Variants in EYA1 observed in about 807,000 individuals in gnomAD.
The protein encoded by EYA1 is protein phosphatase EYA1.
In EYA1, 16 loss-of-function variants were observed where a neutral mutation model predicts 82.0. The ratio of observed to expected loss-of-function variants is 0.20; its 90% CI spans 0.13 to 0.30. The LOEUF (loss-of-function observed/expected upper bound fraction) is 0.30, where lower values mean the gene tolerates loss of function less well. EYA1 is among the 10% of genes least tolerant of loss of function. The pLI is 1.00. For synonymous variants in EYA1, 261 were observed against 264.4 expected, an observed-to-expected ratio of 0.99 and a Z score of 0.12; for missense variants, 633 against 730.7, an observed-to-expected ratio of 0.87 and a Z score of 1.54.
At position 71,370,842 on chromosome 8, in the gene EYA1, C is replaced by T. The variant is rs1359553220; in HGVS notation, c.34-14331G>A. ...GTCTCACTCTGTTGCCCAGGCAAGT[C>T]TCAAACTCCTGAGCTCAAGCGATGC... On this transcript the variant is annotated intron_variant, in intron 2 of 18. Coordinates refer to the EYA1 transcript ENST00000643681. 2.0e-5 allele frequency among the ~76,000 whole-genome samples: 3 copies of T among 151,892 alleles called. No individual in the cohort carries two copies. The East Asian group carries it at 5.8e-4, about 29-fold the overall frequency.
chr8:71,339,402 T>C (rs563764605), intron 3 of EYA1, among the ~76,000 whole-genome samples: 19 of 152,198 alleles, frequency 1.2e-4, no homozygotes, highest in Admixed American at 3.9e-4. Flanking sequence ...GCTGGCCAAG[T>C]CCACTTCATT....
chr8:71,349,516 T>G (rs577411095), intron 3 of EYA1, among the ~76,000 whole-genome samples: 1 of 152,376 alleles, frequency 6.6e-6, no homozygotes, highest in African/African-American at 2.4e-5. Context: ...ACAAGCCATG[T>G]GCCTTTAAAC....
At chr8:71,370,499 C>T (rs1828016190) in intron 2 of EYA1, among the ~76,000 whole-genome samples, 1 of 151,460 alleles carries the variant, frequency 6.6e-6, no homozygotes, top group Non-Finnish European at 1.5e-5. Flanking sequence ...TGACTGAACA[C>T]ATGCATTTAT....
intron 17 of EYA1, 142 bp from the exon 18 acceptor site, chr8:71,199,562 AAAAC>A: frequency 1.4e-6 from 1 of 690,634 alleles, no homozygotes; most frequent in Non-Finnish European, 2.6e-6. Flanking sequence ...ACATCTGTTT[AAAAC>A]AAAAATTCAA....
In EYA1 at chr8:71,356,440, C is replaced by A; in HGVS notation, c.-5+22G>T. On this transcript the variant is annotated intron_variant, in intron 2 of 17. Coordinates refer to ENST00000340726, the MANE Select transcript of EYA1 (RefSeq NM_000503.6). ...ACAGAAAGGTAATCTCCAAAAATGT[C>A]AAATATCAACAATATCCTTACCTGC... is the stretch of plus-strand genomic sequence containing the variant. The A allele has an allele frequency of 1.9e-6, 3 of 1,571,550 alleles. No homozygotes were observed. The South Asian group carries it at 3.5e-5, about 18-fold the overall frequency.
At chr8:71,534,299 TAAAC>T (rs1011580733) in intron 2 of EYA1, among the ~76,000 whole-genome samples, 1 of 152,246 alleles carries the variant, frequency 6.6e-6, no homozygotes, top group Non-Finnish European at 1.5e-5. Context: ...CATAGGAGTT[TAAAC>T]AAACAAACAA....
At chr8:71,414,360 G>T (rs1404217063) in intron 2 of EYA1, among the ~76,000 whole-genome samples, 1 of 152,140 alleles carries the variant, frequency 6.6e-6, no homozygotes, top group Non-Finnish European at 1.5e-5. Context: ...ACTACAGGAG[G>T]TTTCTCTCAA....
At chr8:71,504,174 C>CA (rs34984661) in intron 2 of EYA1, among the ~76,000 whole-genome samples, 3 of 151,736 alleles carry the variant, frequency 2.0e-5, no homozygotes, top group Non-Finnish European at 4.4e-5. Context: ...ACTATAATTA[C>CA]AAAAAAATTT....
chr8:71,412,426 T>TA (rs71264554), intron 2 of EYA1, among the ~76,000 whole-genome samples: 32,281 of 107,382 alleles, frequency 0.3, 4,266 homozygotes, highest in Non-Finnish European at 0.38. Flanking sequence ...TAAAATAAAA[T>TA]AAAAAAAAGA....
At chr8:71,322,472 T>A in intron 4 of EYA1, 3 of 580,018 alleles carry the variant, frequency 5.2e-6, no homozygotes, top group Admixed American at 5.9e-5. Context: ...AGAAACTGAT[T>A]AAGGGCTCTA....
chr8:71,229,680 T>C (rs1342167691), intron 12 of EYA1, among the ~76,000 whole-genome samples: 4 of 152,220 alleles, frequency 2.6e-5, no homozygotes, highest in African/African-American at 7.2e-5. Context: ...CACATACTCA[T>C]GTAGAAAATT....
intron 2 of EYA1, among the ~76,000 whole-genome samples, chr8:71,523,173 C>T (rs10092787): frequency 1.6e-4 from 18 of 110,818 alleles, no homozygotes; most frequent in East Asian, 6.9e-4. Context: ...TTTCTTTTTT[C>T]TTTTTCTTTT....
At chr8:71,521,831 C>T (rs967613937) in intron 2 of EYA1, among the ~76,000 whole-genome samples, 6 of 152,118 alleles carry the variant, frequency 3.9e-5, no homozygotes, top group African/African-American at 1.2e-4. Flanking sequence ...ACTAAGTAAT[C>T]AGTTAGATAG....
intron 12 of EYA1, among the ~76,000 whole-genome samples, chr8:71,240,976 A>G (rs1334913284): frequency 6.6e-6 from 1 of 152,224 alleles, no homozygotes; most frequent in East Asian, 1.9e-4. Flanking sequence ...TTCATAAAAA[A>G]TGACTTCCAT....
intron 6 of EYA1, among the ~76,000 whole-genome samples, chr8:71,318,458 A>C (rs371670080): frequency 4.2e-4 from 64 of 152,312 alleles, no homozygotes; most frequent in African/African-American, 1.4e-3. Context: ...ATGATAATAT[A>C]AAAATGATGT....
chr8:71,443,761 T>G (rs923205308), intron 2 of EYA1, among the ~76,000 whole-genome samples: 3 of 152,214 alleles, frequency 2.0e-5, no homozygotes, highest in Non-Finnish European at 2.9e-5. Context: ...TAAGCCCAGT[T>G]GGGTCCACCC....
intron 3 of EYA1, 86 bp from the exon 4 acceptor site, chr8:71,334,260 G>A: frequency 1.9e-6 from 2 of 1,051,038 alleles, no homozygotes; most frequent in East Asian, 2.4e-5. Flanking sequence ...TCAGAGTAAT[G>A]ACAAGAAAAT....
At chr8:71,543,480 T>C (rs1005401742) in intron 1 of EYA1, among the ~76,000 whole-genome samples, 7 of 152,228 alleles carry the variant, frequency 4.6e-5, no homozygotes, top group African/African-American at 1.7e-4. Context: ...ATCAACCTTT[T>C]TTTCCCAGTA....
At chr8:71,366,141 C>T (rs1466337875), upstream of EYA1, among the ~76,000 whole-genome samples, 4 of 148,072 alleles carry the variant, frequency 2.7e-5, no homozygotes, top group Admixed American at 2.8e-4. Context: ...TAATGGCTGC[C>T]TATCAGATTT....
Sources: allele counts gnomAD v4.1 joint callset (sites outside exome capture counted in the v4.1 genomes callset), GRCh38; gene constraint gnomAD v4.1.1; transcripts MANE v1.5; gene names NCBI Gene and HGNC (gene_info 2026-07-23, HGNC 2026-07-21).